The following SLIT1 variants were observed in gnomAD, a reference collection of about 807,000 sequenced individuals.
SLIT1 encodes slit homolog 1 protein.
Under a neutral mutation model 186.1 loss-of-function variants are expected in SLIT1, and 66 were observed. That is an observed-to-expected ratio of 0.35 (90% CI 0.29 to 0.44). SLIT1 has a LOEUF of 0.44. SLIT1 is among the 20% of genes least tolerant of loss of function. The pLI is 1.00. For missense variants in SLIT1, 1,638 were observed against 2,037.4 expected (o/e 0.80, Z 3.77); for synonymous variants, 761 against 833.8 (o/e 0.91, Z 1.50).
At chr10:97,083,436 C>T (rs377242329) in intron 4 of SLIT1, among the ~76,000 whole-genome samples, 33 of 152,234 alleles carry the variant, frequency 2.2e-4, no homozygotes, top group East Asian at 9.6e-4. Context: ...TCGGCAGTGA[C>T]ACTTGATGGA....
At chr10:97,157,242 A>T (rs1849963806) in intron 4 of SLIT1, 2 of 152,298 alleles carry the variant, frequency 1.3e-5, no homozygotes, top group Admixed American at 1.3e-4. Flanking sequence ...AAAATGAAAT[A>T]TATGGTAGAA....
intron 4 of SLIT1, among the ~76,000 whole-genome samples, chr10:97,150,693 G>T (rs963785836): frequency 6.7e-6 from 1 of 149,750 alleles, no homozygotes; most frequent in African/African-American, 2.5e-5. Flanking sequence ...GTTTCCAGAA[G>T]CAGCTTCTGG....
intron 4 of SLIT1, among the ~76,000 whole-genome samples, chr10:97,127,477 C>T (rs1849615208): frequency 6.6e-6 from 1 of 152,192 alleles, no homozygotes; most frequent in African/African-American, 2.4e-5. Context: ...AGCTCACTCC[C>T]TCCTTAGGAA....
chr10:97,037,642 G>T, intron 22 of SLIT1, 56 bp downstream of exon 22: 1 of 1,368,936 alleles, frequency 7.3e-7, no homozygotes, highest in Non-Finnish European at 1.0e-6. Context: ...GAAAGCCGGA[G>T]TCCTGATGGT....
intron 1 of SLIT1, among the ~76,000 whole-genome samples, chr10:97,179,411 A>T (rs1850300449): frequency 6.6e-6 from 1 of 152,184 alleles, no homozygotes. Context: ...TGGGGAACAT[A>T]GTGAGATCCC....
At chr10:97,014,222 G>T in intron 28 of SLIT1, 64 bp from the exon 29 acceptor site, 2 of 1,562,166 alleles carry the variant, frequency 1.3e-6, no homozygotes, top group Non-Finnish European at 1.8e-6. Context: ...GCCTGTGGCT[G>T]CCGGTTAATA....
Position 97,047,831 on chromosome 10 carries a change from G to C in SLIT1, c.1493C>G (p.Thr498Arg). The C allele has an allele frequency of 1.2e-6, 2 of 1,613,856 alleles. No homozygotes were observed. Among genetic ancestry groups the C allele is most frequent in the Non-Finnish European group, 1.7e-6 (2 of 1,179,848 alleles). ...SAKEQYFIPG[T>R]EDYQLNSECN... ...CTCGCTGTTCAGCTGGTAATCCTCC[G>C]TGCCTGCCATGAGAGGGTGGGGGCA... The change falls in exon 16 of 37, where the codon ACG becomes AGG. Residue 498 changes from threonine (T) to arginine (R), a missense_variant. Thr to Arg is a moderately conservative substitution (Grantham distance 71). Around this residue, in one of 3 missense-constraint regions of SLIT1, gnomAD observed 1,245 missense variants for 1,535.3 expected, o/e 0.81. Transcript: ENST00000266058.
chr10:97,126,493 C>T (rs1375155948), intron 4 of SLIT1, among the ~76,000 whole-genome samples: 1 of 152,188 alleles, frequency 6.6e-6, no homozygotes, highest in Non-Finnish European at 1.5e-5. Flanking sequence ...TCATCACCAC[C>T]TTGCTTCCCA....
chr10:97,070,641 C>T (rs1036157191), intron 4 of SLIT1, among the ~76,000 whole-genome samples: 2 of 152,074 alleles, frequency 1.3e-5, no homozygotes, highest in South Asian at 2.1e-4. Context: ...TGAAAGAGAC[C>T]GCAGAGAGCT....
chr10:97,120,004 T>C (rs1479611393), intron 4 of SLIT1, among the ~76,000 whole-genome samples: 1 of 145,992 alleles, frequency 6.8e-6, no homozygotes, highest in Non-Finnish European at 1.5e-5. Flanking sequence ...ATCTGTCAGT[T>C]ACCTTCTAGT....
Position 97,064,194 on chromosome 10 carries a change from G to A in SLIT1, c.603C>T (p.Phe201=), listed in dbSNP as rs570895176. Residue 201 remains phenylalanine (F), a synonymous_variant, in exon 7 of 37, where the codon TTC becomes TTT. Coordinates refer to ENST00000266058, the MANE Select transcript of SLIT1 (RefSeq NM_003061.3). ...AGGTCCGTAGCTTGGGCATATGGTT[G>A]AAGCTGGACACGGGGATGGTGGTGA... ...NNITTIPVSS[F]NHMPKLRTFR... 2.9e-5 allele frequency: 46 copies of A among 1,613,764 alleles called. No individual in the cohort carries two copies. Among genetic ancestry groups the A allele is most frequent in the Non-Finnish European group, 3.6e-5 (43 of 1,179,950 alleles).
chr10:97,028,075 C>T (rs574353770), intron 25 of SLIT1, among the ~76,000 whole-genome samples: 6 of 152,312 alleles, frequency 3.9e-5, no homozygotes, highest in Non-Finnish European at 5.9e-5. Context: ...AGCACAAATG[C>T]ACTCTGGAGA....
chr10:97,032,006 GGA>G (rs1848595813), intron 23 of SLIT1, among the ~76,000 whole-genome samples: 1 of 152,248 alleles, frequency 6.6e-6, no homozygotes, highest in African/African-American at 2.4e-5. Context: ...CCTCAACAAA[GGA>G]GAGTTGCTGT....
chr10:97,099,653 T>C (rs1849330539), intron 4 of SLIT1, among the ~76,000 whole-genome samples: 2 of 152,250 alleles, frequency 1.3e-5, no homozygotes, highest in African/African-American at 4.8e-5. Flanking sequence ...TTCCAGTCTT[T>C]CCTTTCACTT....
intron 32 of SLIT1, among the ~76,000 whole-genome samples, chr10:97,005,431 C>G (rs1442416768): frequency 6.6e-6 from 1 of 152,148 alleles, no homozygotes; most frequent in Non-Finnish European, 1.5e-5. Context: ...TGGTAAAGAC[C>G]CTGAGCCCCC....
chr10:97,036,229 T>C (rs1299770845), intron 22 of SLIT1, among the ~76,000 whole-genome samples: 1 of 152,210 alleles, frequency 6.6e-6, no homozygotes, highest in Non-Finnish European at 1.5e-5. Context: ...ATTTAAGTGC[T>C]CTACTGAATG....
At chr10:97,019,917 A>G (rs963993914) in intron 26 of SLIT1, among the ~76,000 whole-genome samples, 4 of 152,114 alleles carry the variant, frequency 2.6e-5, no homozygotes. Flanking sequence ...CGACTAGCAC[A>G]CATGACGGAC....
intron 24 of SLIT1, 97 bp downstream of exon 24, chr10:97,031,509 T>A (rs1848590367): frequency 1.1e-6 from 1 of 913,582 alleles, no homozygotes; most frequent in African/African-American, 1.6e-5. Flanking sequence ...TGGCACAGCG[T>A]GGGCCCTAGA....
intron 3 of SLIT1, among the ~76,000 whole-genome samples, chr10:97,160,149 C>A (rs577657826): frequency 6.6e-6 from 1 of 152,288 alleles, no homozygotes; most frequent in Admixed American, 6.5e-5. Flanking sequence ...CCGCTGAGGC[C>A]ACAATGTCCT....
Sources: gnomAD v4.1 joint callset for allele counts (sites outside exome capture counted in the v4.1 genomes callset) on GRCh38, gnomAD v4.1.1 for gene constraint, gnomAD v4.1.1 regional missense constraint, MANE v1.5 for transcripts, NCBI Gene and HGNC (gene_info 2026-07-23, HGNC 2026-07-21) for gene names.